The following ANO2 variants were observed in gnomAD, a reference collection of about 807,000 sequenced individuals.
The protein encoded by ANO2 is anoctamin-2.
A neutral mutation model predicts 124.2 loss-of-function variants in ANO2; 101 were observed. The ratio of observed to expected loss-of-function variants is 0.81; its 90% CI spans 0.69 to 0.96. ANO2 has a LOEUF of 0.96. Among genes scored for constraint, ANO2 ranks in the 40% least tolerant of loss-of-function variants. The probability of loss-of-function intolerance (pLI) is 0.00; values close to 1 mark genes in which losing one functional copy is unlikely to be tolerated. For missense variants in ANO2, 1,293 were observed against 1,274.5 expected, an observed-to-expected ratio of 1.01 and a Z score of -0.22; for synonymous variants, 486 against 482.5, an observed-to-expected ratio of 1.01 and a Z score of -0.09.
chr12:5,767,882 T>C (rs1314877482), intron 10 of ANO2, among the ~76,000 whole-genome samples: 2 of 152,344 alleles, frequency 1.3e-5, no homozygotes, highest in East Asian at 1.9e-4. Flanking sequence ...TTGTCTCTGC[T>C]GCTCTGAAGC....
chr12:5,672,598 T>TGC (rs1289648571), intron 14 of ANO2, among the ~76,000 whole-genome samples: 4 of 50,568 alleles, frequency 7.9e-5, no homozygotes, highest in African/African-American at 1.6e-4. Flanking sequence ...TGTGTGTGTG[T>TGC]GCACATGCAT....
intron 4 of ANO2, among the ~76,000 whole-genome samples, chr12:5,835,003 A>G (rs1954274081): frequency 7.4e-6 from 1 of 135,478 alleles, no homozygotes; most frequent in Non-Finnish European, 1.7e-5. Flanking sequence ...AGTATTACAC[A>G]GTAGACATGA....
chr12:5,669,946 A>C (rs1028812343), intron 14 of ANO2, among the ~76,000 whole-genome samples: 2 of 152,262 alleles, frequency 1.3e-5, no homozygotes, highest in African/African-American at 2.4e-5. Context: ...AGTTGTGTCC[A>C]TGAATACATG....
At chr12:5,712,851 GA>G in intron 14 of ANO2, among the ~76,000 whole-genome samples, 1 of 152,210 alleles carries the variant, frequency 6.6e-6, no homozygotes, top group South Asian at 2.1e-4. Context: ...GAGACGCTCA[GA>G]GAGCTGCCAG....
intron 14 of ANO2, among the ~76,000 whole-genome samples, chr12:5,695,686 C>G (rs934980316): frequency 1.3e-5 from 2 of 152,010 alleles, no homozygotes; most frequent in Non-Finnish European, 2.9e-5. Flanking sequence ...ACTAAAAATA[C>G]AAAAATTAGT....
chr12:5,579,147 C>T (rs757815235), intron 20 of ANO2, among the ~76,000 whole-genome samples: 3 of 152,200 alleles, frequency 2.0e-5, no homozygotes, highest in Non-Finnish European at 2.9e-5. Flanking sequence ...TCATCCATCA[C>T]GCATTTATGG....
intron 23 of ANO2, among the ~76,000 whole-genome samples, chr12:5,570,113 T>A (rs150943457): frequency 1.8e-3 from 268 of 152,382 alleles, no homozygotes; most frequent in African/African-American, 5.1e-3. Flanking sequence ...TTTAAAATTA[T>A]GTTAATATTT....
At position 5,787,719 on chromosome 12, in the gene ANO2, A is replaced by T. The variant is rs1229596642; in HGVS notation, c.1055+11788T>A. Among the ~76,000 whole-genome samples, 1 of 152,152 alleles carries T rather than the reference A, an allele frequency of 6.6e-6. No individual in the cohort carries two copies. The highest frequency in any genetic ancestry group is 1.5e-5 in the Non-Finnish European group (1 of 68,020). ...TGTTTTGACCCATCCAGCAAATCAT[A>T]CTAGTTTAAATGTCGCTTCCTCAGG... On this transcript the variant is annotated intron_variant, in intron 10 of 24. Transcript: ENST00000682330. This position sits in a 1 kb window ranked among gnomAD's most constrained non-coding sequence, Gnocchi z 4.2.
chr12:5,745,706 G>C (rs1360672193), intron 11 of ANO2, among the ~76,000 whole-genome samples: 2 of 152,174 alleles, frequency 1.3e-5, no homozygotes, highest in East Asian at 1.9e-4. Context: ...TCCTGTGTGA[G>C]AGAATGGAAA....
At chr12:5,867,778 GAAAAAAA>G (rs10622876) in intron 3 of ANO2, among the ~76,000 whole-genome samples, 2 of 78,550 alleles carry the variant, frequency 2.5e-5, no homozygotes, top group East Asian at 4.9e-4. Context: ...GCACTATAAT[GAAAAAAA>G]AAAAAAAAAA....
intron 15 of ANO2, among the ~76,000 whole-genome samples, chr12:5,642,094 A>G (rs60259837): frequency 0.023 from 3,428 of 152,190 alleles, 130 homozygotes; most frequent in African/African-American, 0.079. Flanking sequence ...AGTGGCATCT[A>G]ATACAATTGA....
chr12:5,612,573 C>A, intron 19 of ANO2, 83 bp downstream of exon 19: 6 of 1,112,028 alleles, frequency 5.4e-6, no homozygotes, highest in Non-Finnish European at 8.1e-6. Flanking sequence ...AGAGGAAAGG[C>A]CATAGAAAAC....
intron 20 of ANO2, among the ~76,000 whole-genome samples, chr12:5,580,865 G>A (rs775062181): frequency 7.2e-5 from 11 of 152,126 alleles, no homozygotes; most frequent in African/African-American, 1.9e-4. Flanking sequence ...CTAGGAGGCC[G>A]GCAAGTGCTG....
intron 14 of ANO2, among the ~76,000 whole-genome samples, chr12:5,690,671 C>A (rs1327766204): frequency 6.6e-6 from 1 of 152,094 alleles, no homozygotes; most frequent in Non-Finnish European, 1.5e-5. Flanking sequence ...TTGGCAAGAA[C>A]ACATAGGCTG....
intron 15 of ANO2, among the ~76,000 whole-genome samples, chr12:5,643,604 T>C (rs1946494115): frequency 2.0e-5 from 3 of 152,232 alleles, no homozygotes; most frequent in South Asian, 2.1e-4. Flanking sequence ...ATATGTACTT[T>C]CAGTTTCACT....
At chr12:5,654,630 T>C (rs976621821) in intron 14 of ANO2, among the ~76,000 whole-genome samples, 10 of 152,182 alleles carry the variant, frequency 6.6e-5, no homozygotes, top group Non-Finnish European at 1.2e-4. Flanking sequence ...CCTGCCATCA[T>C]CACAAGCAAC....
At chr12:5,919,181 G>A (rs903176686) in intron 3 of ANO2, among the ~76,000 whole-genome samples, 1 of 152,214 alleles carries the variant, frequency 6.6e-6, no homozygotes, top group Non-Finnish European at 1.5e-5. Context: ...GAGGGACGGG[G>A]TGGGGGTATT....
intron 11 of ANO2, among the ~76,000 whole-genome samples, chr12:5,744,837 T>C (rs1951219387): frequency 6.6e-6 from 1 of 152,214 alleles, no homozygotes; most frequent in South Asian, 2.1e-4. Context: ...GGAGAAGTTC[T>C]ACATGGGGAA....
At chr12:5,824,661 C>T (rs1953902532) in intron 7 of ANO2, among the ~76,000 whole-genome samples, 1 of 152,252 alleles carries the variant, frequency 6.6e-6, no homozygotes, top group African/African-American at 2.4e-5. Context: ...ACCTGTTACC[C>T]AGTTCCAATG....
Sources: allele counts gnomAD v4.1 joint callset (sites outside exome capture counted in the v4.1 genomes callset), GRCh38; gene constraint gnomAD v4.1.1; non-coding constraint Gnocchi (gnomAD v3.1); transcripts MANE v1.5; gene names NCBI Gene and HGNC (gene_info 2026-07-23, HGNC 2026-07-21).